Variants in EXOC6B observed in about 807,000 individuals in gnomAD.
EXOC6B encodes exocyst complex component 6B, also known as SEC15 homolog B.
In EXOC6B, 54 loss-of-function variants were observed where a neutral mutation model predicts 113.5. The observed-to-expected ratio is 0.48, with a 90% CI of 0.38 to 0.60. The LOEUF is 0.60. Ranked by LOEUF, EXOC6B falls within the 20% of genes least tolerant of loss-of-function variation. EXOC6B has a pLI of 0.00. For synonymous variants in EXOC6B, 357 were observed against 339.0 expected, an observed-to-expected ratio of 1.05 and a Z score of -0.58; for missense variants, 797 against 977.5, an observed-to-expected ratio of 0.82 and a Z score of 2.46.
intron 20 of EXOC6B, among the ~76,000 whole-genome samples, chr2:72,189,706 C>T (rs573722911): frequency 6.6e-6 from 1 of 152,014 alleles, no homozygotes; most frequent in Admixed American, 6.6e-5. Context: ...GTTATTGGCA[C>T]AAACTCGCCA....
intron 6 of EXOC6B, among the ~76,000 whole-genome samples, chr2:72,642,072 C>G (rs1467085852): frequency 2.0e-5 from 3 of 152,088 alleles, no homozygotes; most frequent in Non-Finnish European, 4.4e-5. Context: ...ACACCAAAAC[C>G]CCATCTGTAG....
At chr2:72,461,015 ATAC>A (rs1697616151) in intron 18 of EXOC6B, among the ~76,000 whole-genome samples, 1 of 151,976 alleles carries the variant, frequency 6.6e-6, no homozygotes, top group South Asian at 2.1e-4. Flanking sequence ...ACACCATAGA[ATAC>A]TATGCAGCCA....
intron 20 of EXOC6B, among the ~76,000 whole-genome samples, chr2:72,303,384 G>T (rs1196449591): frequency 6.6e-6 from 1 of 152,082 alleles, no homozygotes; most frequent in Non-Finnish European, 1.5e-5. Context: ...ATAATTTGTA[G>T]ATTTGGCCTC....
intron 1 of EXOC6B, among the ~76,000 whole-genome samples, chr2:72,764,336 G>A (rs1682929259): frequency 6.8e-6 from 1 of 146,264 alleles, no homozygotes; most frequent in Non-Finnish European, 1.5e-5. Flanking sequence ...TATGCAAAAT[G>A]AAGCATTACC....
At chr2:72,655,333 A>C (rs1674498356) in intron 6 of EXOC6B, among the ~76,000 whole-genome samples, 3 of 152,218 alleles carry the variant, frequency 2.0e-5, no homozygotes, top group African/African-American at 7.2e-5. Flanking sequence ...TTAATTCTTT[A>C]AATTTATAGA....
At chr2:72,581,432 C>A (rs1295050311) in intron 6 of EXOC6B, among the ~76,000 whole-genome samples, 1 of 152,198 alleles carries the variant, frequency 6.6e-6, no homozygotes, top group Non-Finnish European at 1.5e-5. Context: ...TATGTGAACA[C>A]ATGCATGTGT....
At chr2:72,375,851 A>G (rs1266987228) in intron 19 of EXOC6B, among the ~76,000 whole-genome samples, 1 of 152,240 alleles carries the variant, frequency 6.6e-6, no homozygotes, top group Non-Finnish European at 1.5e-5. Flanking sequence ...CTGTTAACAT[A>G]GGCTCAAGCC....
chr2:72,618,238 A>C (rs1243200641), intron 6 of EXOC6B, among the ~76,000 whole-genome samples: 1 of 152,078 alleles, frequency 6.6e-6, no homozygotes, highest in Non-Finnish European at 1.5e-5. Flanking sequence ...ACTTGGTGGC[A>C]GATGCCTGTA....
At chr2:72,349,408 C>CA (rs948347896) in intron 19 of EXOC6B, among the ~76,000 whole-genome samples, 1 of 152,116 alleles carries the variant, frequency 6.6e-6, no homozygotes, top group African/African-American at 2.4e-5. Context: ...CTGGCCATGC[C>CA]ATAAAGACCA....
At chr2:72,352,740 T>C (rs1689731616) in intron 19 of EXOC6B, among the ~76,000 whole-genome samples, 1 of 151,874 alleles carries the variant, frequency 6.6e-6, no homozygotes, top group Non-Finnish European at 1.5e-5. Context: ...CATTTTTTTT[T>C]TTTTGAGATG....
chr2:72,478,148 C>T (rs1386453427), intron 17 of EXOC6B, among the ~76,000 whole-genome samples: 1 of 152,072 alleles, frequency 6.6e-6, no homozygotes, highest in South Asian at 2.1e-4. Context: ...CTTTTTCTGT[C>T]TCTCCCCAAG....
intron 19 of EXOC6B, among the ~76,000 whole-genome samples, chr2:72,355,878 A>G (rs1689945916): frequency 1.3e-5 from 2 of 152,214 alleles, no homozygotes; most frequent in South Asian, 4.1e-4. Flanking sequence ...TTAACCTAGT[A>G]GATGAAGTTT....
At chr2:72,398,727 T>TACACACAGACAC (rs1692927246) in intron 18 of EXOC6B, among the ~76,000 whole-genome samples, 1 of 138,996 alleles carries the variant, frequency 7.2e-6, no homozygotes, top group Non-Finnish European at 1.6e-5. Flanking sequence ...TCTCTCTGTC[T>TACACACAGACAC]ACACACACAC....
intron 1 of EXOC6B, among the ~76,000 whole-genome samples, chr2:72,784,309 T>C (rs182233920): frequency 2.0e-5 from 3 of 152,352 alleles, no homozygotes; most frequent in African/African-American, 7.2e-5. Context: ...TTGTTCAGAA[T>C]CAATTTGACT....
At chr2:72,240,617 A>G (rs1433580769) in intron 20 of EXOC6B, among the ~76,000 whole-genome samples, 2 of 152,220 alleles carry the variant, frequency 1.3e-5, no homozygotes, top group African/African-American at 2.4e-5. Flanking sequence ...TGAGATGGAC[A>G]ATGATAGTGA....
chr2:72,553,211 A>C (rs2103636207), intron 8 of EXOC6B, among the ~76,000 whole-genome samples: 1 of 152,220 alleles, frequency 6.6e-6, no homozygotes, highest in South Asian at 2.1e-4. Context: ...ATTAGAAAAT[A>C]AAGTAGAAAA....
At chr2:72,658,286 TAAAAAAAA>T (rs60572283) in intron 6 of EXOC6B, among the ~76,000 whole-genome samples, 1 of 58,698 alleles carries the variant, frequency 1.7e-5, no homozygotes, top group Non-Finnish European at 3.1e-5. Context: ...TAAAAACTAG[TAAAAAAAA>T]AAAAAAAAAA....
At chr2:72,677,569 ACT>A (rs1250366215) in intron 6 of EXOC6B, among the ~76,000 whole-genome samples, 1 of 152,048 alleles carries the variant, frequency 6.6e-6, no homozygotes, top group Non-Finnish European at 1.5e-5. Flanking sequence ...TGTCCAAAAC[ACT>A]CTGAGTTGAG....
intron 20 of EXOC6B, among the ~76,000 whole-genome samples, chr2:72,228,699 T>C (rs1681417970): frequency 6.6e-6 from 1 of 152,222 alleles, no homozygotes; most frequent in Non-Finnish European, 1.5e-5. Context: ...AAGTCTTTGC[T>C]ATTGTGAATA....
Sources: gnomAD v4.1 joint callset for allele counts (sites outside exome capture counted in the v4.1 genomes callset) on GRCh38, gnomAD v4.1.1 for gene constraint, MANE v1.5 for transcripts, NCBI Gene and HGNC (gene_info 2026-07-23, HGNC 2026-07-21) for gene names.